The following PDE1C variants were observed in gnomAD, a reference collection of about 807,000 sequenced individuals.
PDE1C encodes dual specificity calcium/calmodulin-dependent 3',5'-cyclic nucleotide phosphodiesterase 1C.
In PDE1C, 62 loss-of-function variants were observed where a neutral mutation model predicts 93.1. That is an observed-to-expected ratio of 0.67 (90% CI 0.54 to 0.82). PDE1C has a LOEUF of 0.82. Among genes scored for constraint, PDE1C ranks in the 40% least tolerant of loss-of-function variants. The pLI is 0.00. For synonymous variants in PDE1C, 325 were observed against 310.1 expected, an observed-to-expected ratio of 1.05 and a Z score of -0.50; for missense variants, 742 against 884.6, an observed-to-expected ratio of 0.84 and a Z score of 2.04.
At chr7:31,944,577 G>A (rs1806341485) in intron 2 of PDE1C, among the ~76,000 whole-genome samples, 2 of 152,244 alleles carry the variant, frequency 1.3e-5, no homozygotes, top group Admixed American at 1.3e-4. Flanking sequence ...GTTCCCACAT[G>A]GGTTAAATAC....
intron 1 of PDE1C, among the ~76,000 whole-genome samples, chr7:32,318,766 G>C (rs1039279059): frequency 6.6e-6 from 1 of 152,142 alleles, no homozygotes; most frequent in Non-Finnish European, 1.5e-5. Flanking sequence ...ATTTGCCCGC[G>C]TATCTACCTA....
chr7:32,147,327 A>AGAAAGAAG (rs1800954985), intron 3 of PDE1C, among the ~76,000 whole-genome samples: 1 of 149,954 alleles, frequency 6.7e-6, no homozygotes. Context: ...AAAGAAAGAA[A>AGAAAGAAG]GAAAGACGCT....
chr7:32,112,744 G>C (rs1020913379), intron 3 of PDE1C, among the ~76,000 whole-genome samples: 1 of 150,846 alleles, frequency 6.6e-6, no homozygotes, highest in African/African-American at 2.4e-5. Flanking sequence ...ACAGGCAAGA[G>C]ACACTATGCT....
At chr7:31,794,033 T>C (rs376307044) in intron 16 of PDE1C, among the ~76,000 whole-genome samples, 12,647 of 100,532 alleles carry the variant, frequency 0.13, 647 homozygotes, top group Middle Eastern at 0.18. Context: ...GATAGATAGA[T>C]AGATAGATAG....
chr7:32,162,540 T>G (rs1477106564), intron 3 of PDE1C, among the ~76,000 whole-genome samples: 1 of 151,886 alleles, frequency 6.6e-6, no homozygotes, highest in Non-Finnish European at 1.5e-5. Flanking sequence ...AAAAGAAAGT[T>G]GGGTGGCAGT....
the PDE1C span, among the ~76,000 whole-genome samples, chr7:31,683,033 T>A: frequency 6.6e-6 from 1 of 152,074 alleles, no homozygotes; most frequent in Admixed American, 6.6e-5. Flanking sequence ...ACAGGAGAGA[T>A]CTCTGTGGTG....
At chr7:31,642,516 C>A in the PDE1C span, among the ~76,000 whole-genome samples, 5 of 152,170 alleles carry the variant, frequency 3.3e-5, no homozygotes, top group African/African-American at 1.2e-4. Context: ...GAGGCTGAGC[C>A]TCCTAGAGAG....
intron 1 of PDE1C, among the ~76,000 whole-genome samples, chr7:32,423,580 C>T (rs1349941100): frequency 1.1e-4 from 16 of 152,140 alleles, no homozygotes; most frequent in Non-Finnish European, 2.9e-5. Flanking sequence ...GGCAACAAGC[C>T]TGAGCGTCTG....
chr7:31,623,367 C>T, the PDE1C span, among the ~76,000 whole-genome samples: 1 of 151,876 alleles, frequency 6.6e-6, no homozygotes, highest in African/African-American at 2.4e-5. Flanking sequence ...AAAACACTGG[C>T]AAACCGAATC....
At chr7:32,423,447 G>A (rs570507591) in intron 1 of PDE1C, among the ~76,000 whole-genome samples, 234 of 152,270 alleles carry the variant, frequency 1.5e-3, no homozygotes, top group Middle Eastern at 6.8e-3. Context: ...CCAGAAAGTC[G>A]AGAGGAAGGA....
intron 15 of PDE1C, among the ~76,000 whole-genome samples, chr7:31,813,766 T>A (rs1787858069): frequency 6.6e-6 from 1 of 152,084 alleles, no homozygotes; most frequent in Admixed American, 6.6e-5. Flanking sequence ...ACCTGAGCGG[T>A]ATACGCTGAA....
intron 2 of PDE1C, among the ~76,000 whole-genome samples, chr7:32,038,958 C>G (rs1370392816): frequency 1.3e-5 from 2 of 152,104 alleles, no homozygotes; most frequent in African/African-American, 4.8e-5. Flanking sequence ...TAGAATGAAT[C>G]AGCAGGAAAG....
chr7:32,275,380 C>G, intron 1 of PDE1C, among the ~76,000 whole-genome samples: 1 of 152,178 alleles, frequency 6.6e-6, no homozygotes, highest in East Asian at 1.9e-4. Context: ...CCTGATGAGC[C>G]AAGCAGGCTC....
At chr7:32,309,543 T>C (rs1485923270) in intron 1 of PDE1C, among the ~76,000 whole-genome samples, 1 of 152,164 alleles carries the variant, frequency 6.6e-6, no homozygotes, top group African/African-American at 2.4e-5. Flanking sequence ...AGACTAACAG[T>C]GGATCTCTCA....
chr7:32,253,580 G>C (rs17161084), intron 1 of PDE1C, among the ~76,000 whole-genome samples: 19,089 of 152,182 alleles, frequency 0.13, 1,429 homozygotes, highest in African/African-American at 0.19. Context: ...ATTACTTTTA[G>C]GAGACAATTG....
At chr7:32,242,774 G>T (rs190486425) in intron 1 of PDE1C, among the ~76,000 whole-genome samples, 51 of 152,228 alleles carry the variant, frequency 3.4e-4, no homozygotes, top group African/African-American at 1.0e-3. Flanking sequence ...GGCCATGGGA[G>T]AATAAAACTG....
rs190328403 is a variant in PDE1C, at chr7:31,924,328, T to A, written c.129-43468A>T. ...AATATTTAACTATTCTCCCAAATGA[T>A]GGGTAGGGGCATCTGGTTGACAATA... On this transcript the variant is annotated intron_variant, in intron 2 of 17. Transcript: ENST00000396191. Among the ~76,000 whole-genome samples the A allele has an allele frequency of 5.8e-4, 88 of 152,280 alleles. 1 individual carries two copies. The highest frequency in any genetic ancestry group is 2.0e-3 in the African/African-American group (85 of 41,558).
chr7:31,633,206 G>A, the PDE1C span, among the ~76,000 whole-genome samples: 8 of 152,224 alleles, frequency 5.3e-5, no homozygotes, highest in East Asian at 3.9e-4. Context: ...GATTTACGCT[G>A]AGGAGAAAGG....
intron 11 of PDE1C, among the ~76,000 whole-genome samples, chr7:31,836,760 C>T (rs1242352324): frequency 1.2e-4 from 19 of 152,048 alleles, no homozygotes; most frequent in Non-Finnish European, 2.6e-4. Flanking sequence ...TGGAATTTTG[C>T]GTCTTGGACT....
Sources: allele counts gnomAD v4.1 joint callset (sites outside exome capture counted in the v4.1 genomes callset), GRCh38; gene constraint gnomAD v4.1.1; transcripts MANE v1.5; gene names NCBI Gene and HGNC (gene_info 2026-07-23, HGNC 2026-07-21).